Variants in DAB1 observed in about 807,000 individuals in gnomAD.
DAB1 encodes disabled homolog 1.
DAB1 carries 15 observed loss-of-function variants against 64.6 expected under a neutral mutation model. The observed-to-expected ratio is 0.23, with a 90% CI of 0.16 to 0.36. DAB1 has a LOEUF of 0.36. DAB1 is among the 10% of genes least tolerant of loss of function. The probability of loss-of-function intolerance (pLI) is 1.00; values close to 1 mark genes in which losing one functional copy is unlikely to be tolerated. For missense variants in DAB1, 596 were observed against 706.7 expected (o/e 0.84, Z 1.78); for synonymous variants, 235 against 251.9 (o/e 0.93, Z 0.64).
chr1:57,195,445 C>T (rs1664547958), intron 2 of DAB1, among the ~76,000 whole-genome samples: 1 of 152,210 alleles, frequency 6.6e-6, no homozygotes, highest in South Asian at 2.1e-4. Flanking sequence ...TAAATACACT[C>T]TCTTATTTAT....
chr1:57,369,961 T>C (rs1337320800), intron 1 of DAB1, among the ~76,000 whole-genome samples: 4 of 152,190 alleles, frequency 2.6e-5, no homozygotes, highest in Non-Finnish European at 5.9e-5. Flanking sequence ...TGCCCTGGCA[T>C]CATGCTAACT....
intron 5 of DAB1, among the ~76,000 whole-genome samples, chr1:58,060,870 C>T (rs1648457792): frequency 6.6e-6 from 1 of 152,256 alleles, no homozygotes; most frequent in Admixed American, 6.5e-5. Flanking sequence ...CGTGGAACAT[C>T]TGGTTCCTCG....
chr1:57,881,718 T>A (rs1644146659), intron 1 of DAB1, among the ~76,000 whole-genome samples: 1 of 152,160 alleles, frequency 6.6e-6, no homozygotes, highest in South Asian at 2.1e-4. Flanking sequence ...TAAATAGATG[T>A]GTGGGGGATG....
intron 2 of DAB1, among the ~76,000 whole-genome samples, chr1:57,213,702 C>T (rs1666204137): frequency 6.6e-6 from 1 of 152,208 alleles, no homozygotes; most frequent in South Asian, 2.1e-4. Context: ...ACCCTACAGG[C>T]AGGTAACCTC....
intron 1 of DAB1, among the ~76,000 whole-genome samples, chr1:57,315,585 C>A (rs904697869): frequency 5.9e-5 from 9 of 152,096 alleles, no homozygotes; most frequent in South Asian, 2.1e-4. Context: ...TCACTGACAC[C>A]TTTTCCTCCC....
rs141250543 is a variant in DAB1, at chr1:57,032,438, C to T, written c.724-6395G>A. Among the ~76,000 whole-genome samples the T allele has an allele frequency of 1.6e-3, 241 of 152,282 alleles. 2 individuals are homozygous for T. Among genetic ancestry groups the T allele is most frequent in the African/African-American group, 5.5e-3 (228 of 41,564 alleles). ...AAGAAGAGGCCATCTCAGGGTCTGA[C>T]ATGTGCTCCTCCTCCCACCTAGAAC... On this transcript the variant is annotated intron_variant, in intron 9 of 14. Transcript: ENST00000371236.
chr1:58,404,325 A>T (rs551864489), intron 3 of DAB1, among the ~76,000 whole-genome samples: 1 of 152,380 alleles, frequency 6.6e-6, no homozygotes, highest in Admixed American at 6.5e-5. Context: ...TTTCACAAGC[A>T]GATGAATCCT....
intron 7 of DAB1, among the ~76,000 whole-genome samples, chr1:57,629,802 C>T (rs1394713267): frequency 2.0e-5 from 3 of 149,166 alleles, no homozygotes; most frequent in Non-Finnish European, 3.0e-5. Context: ...TCTAGACCCA[C>T]GGAGCAAAGA....
chr1:57,576,837 G>T (rs1328952838), intron 7 of DAB1, among the ~76,000 whole-genome samples: 2 of 152,062 alleles, frequency 1.3e-5, no homozygotes, highest in African/African-American at 2.4e-5. Flanking sequence ...ACTAAGACTT[G>T]GGGCTTCCTA....
intron 4 of DAB1, among the ~76,000 whole-genome samples, chr1:58,233,850 C>T (rs994580268): frequency 2.0e-5 from 3 of 152,128 alleles, no homozygotes; most frequent in South Asian, 2.1e-4. Context: ...GTTCTCAGCT[C>T]AGTATGAAAA....
At chr1:57,790,913 G>A (rs1650567524) in intron 6 of DAB1, among the ~76,000 whole-genome samples, 1 of 152,134 alleles carries the variant, frequency 6.6e-6, no homozygotes, top group African/African-American at 2.4e-5. Context: ...ACTCATATGT[G>A]TGTGTGTATT....
At chr1:57,620,191 G>C (rs988886817) in intron 7 of DAB1, among the ~76,000 whole-genome samples, 4 of 152,090 alleles carry the variant, frequency 2.6e-5, no homozygotes, top group Non-Finnish European at 5.9e-5. Context: ...CCCGAAAGGA[G>C]AACCTCCCAG....
chr1:57,842,688 C>A (rs1484932208), intron 1 of DAB1, among the ~76,000 whole-genome samples: 1 of 152,120 alleles, frequency 6.6e-6, no homozygotes, highest in East Asian at 1.9e-4. Context: ...TTAAAACCAT[C>A]AGATCTTGTT....
At chr1:57,349,651 T>C (rs1283965409) in intron 1 of DAB1, among the ~76,000 whole-genome samples, 2 of 152,172 alleles carry the variant, frequency 1.3e-5, no homozygotes, top group African/African-American at 4.8e-5. Flanking sequence ...ACATACAGCC[T>C]ACCATGTAGG....
intron 5 of DAB1, among the ~76,000 whole-genome samples, chr1:58,064,717 G>A: frequency 1.0e-5 from 1 of 99,414 alleles, no homozygotes; most frequent in Non-Finnish European, 2.0e-5. Flanking sequence ...ATGTATTTAT[G>A]TATTTATTTA....
At chr1:57,964,256 T>C (rs1276954938) in intron 5 of DAB1, among the ~76,000 whole-genome samples, 2 of 152,224 alleles carry the variant, frequency 1.3e-5, no homozygotes, top group Non-Finnish European at 2.9e-5. Flanking sequence ...CATTCACTTA[T>C]TCATTAATTT....
intron 7 of DAB1, among the ~76,000 whole-genome samples, chr1:57,504,894 C>A (rs919886753): frequency 6.6e-6 from 1 of 152,066 alleles, no homozygotes; most frequent in Admixed American, 6.5e-5. Flanking sequence ...AGTGATATGC[C>A]ACAAAATGCC....
chr1:57,809,194 AG>A (rs1261988708), intron 6 of DAB1, among the ~76,000 whole-genome samples: 4 of 152,226 alleles, frequency 2.6e-5, no homozygotes, highest in Non-Finnish European at 5.9e-5. Flanking sequence ...AGAGCAGAAA[AG>A]CATCATTCAA....
chr1:58,319,761 T>C (rs1662640467), intron 4 of DAB1, among the ~76,000 whole-genome samples: 1 of 152,258 alleles, frequency 6.6e-6, no homozygotes, highest in Non-Finnish European at 1.5e-5. Flanking sequence ...GTATAGTGGC[T>C]GCCATGGTCA....
Sources: allele counts gnomAD v4.1 joint callset (sites outside exome capture counted in the v4.1 genomes callset), GRCh38; gene constraint gnomAD v4.1.1; transcripts MANE v1.5; gene names NCBI Gene and HGNC (gene_info 2026-07-23, HGNC 2026-07-21).